Variants in ASB3 observed in about 807,000 individuals in gnomAD.
ASB3 encodes the protein ankyrin repeat and SOCS box containing 3, also known as ankyrin repeat and SOCS box protein 3.
In ASB3, 41 loss-of-function variants were observed where a neutral mutation model predicts 54.5. The ratio of observed to expected loss-of-function variants is 0.75; its 90% CI spans 0.59 to 0.98. The LOEUF (loss-of-function observed/expected upper bound fraction) is 0.98. Ranked by LOEUF, ASB3 falls within the 50% of genes least tolerant of loss-of-function variation. ASB3 has a pLI of 0.00. For synonymous variants in ASB3, 266 were observed against 221.2 expected, an observed-to-expected ratio of 1.20 and a Z score of -1.80; for missense variants, 733 against 620.0, an observed-to-expected ratio of 1.18 and a Z score of -1.94.
At chr2:53,764,985 T>C (rs1482678509) in intron 2 of ASB3, among the ~76,000 whole-genome samples, 2 of 152,202 alleles carry the variant, frequency 1.3e-5, no homozygotes, top group Non-Finnish European at 2.9e-5. Context: ...TTAAAAAGTG[T>C]TTAAAAAGAA....
At chr2:53,686,393 G>C (rs139366838) in intron 9 of ASB3, among the ~76,000 whole-genome samples, 2 of 152,122 alleles carry the variant, frequency 1.3e-5, no homozygotes, top group South Asian at 2.1e-4. Flanking sequence ...ACCCTCCTCA[G>C]AGCCACGGTT....
intron 3 of ASB3, among the ~76,000 whole-genome samples, chr2:53,744,384 C>CAAAAAAAAAAAAAAAAAAAAA (rs779225958): frequency 1.4e-5 from 2 of 139,862 alleles, no homozygotes; most frequent in African/African-American, 5.6e-5. Flanking sequence ...GACTCTGTCT[C>CAAAAAAAAAAAAAAAAAAAAA]AAAAAAATAA....
intron 3 of ASB3, among the ~76,000 whole-genome samples, chr2:53,747,642 G>A (rs1473542409): frequency 1.3e-5 from 2 of 152,128 alleles, no homozygotes; most frequent in Non-Finnish European, 1.5e-5. Context: ...ATAATTTACT[G>A]AATACCTACC....
intron 9 of ASB3, among the ~76,000 whole-genome samples, chr2:53,684,888 T>A (rs1199209385): frequency 1.3e-5 from 2 of 152,126 alleles, no homozygotes; most frequent in Non-Finnish European, 2.9e-5. Flanking sequence ...AGGAGGAGAT[T>A]ATTTAGAGAT....
chr2:53,701,801 GA>G (rs977073551), intron 7 of ASB3, among the ~76,000 whole-genome samples: 5 of 152,078 alleles, frequency 3.3e-5, no homozygotes, highest in African/African-American at 1.2e-4. Context: ...TCATTAATCT[GA>G]AAAAAGCAAA....
chr2:53,778,143 T>C (rs1573030471), intron 1 of ASB3, among the ~76,000 whole-genome samples: 1 of 138,554 alleles, frequency 7.2e-6, no homozygotes, highest in East Asian at 2.0e-4. Context: ...AGCAGGATTC[T>C]TGTCTCAAAA....
At chr2:53,733,690 C>A (rs774023031) in intron 3 of ASB3, among the ~76,000 whole-genome samples, 1 of 152,134 alleles carries the variant, frequency 6.6e-6, no homozygotes, top group African/African-American at 2.4e-5. Context: ...AATCCGCCCA[C>A]CTTGGCCTCC....
At chr2:53,710,065 G>A (rs1199427490) in intron 7 of ASB3, among the ~76,000 whole-genome samples, 3 of 152,200 alleles carry the variant, frequency 2.0e-5, no homozygotes, top group Non-Finnish European at 4.4e-5. Flanking sequence ...GCTTGCTAAT[G>A]ACTGTAGCTT....
Position 53,671,040 on chromosome 2 carries a change from A to T in ASB3, c.1370-350T>A, listed in dbSNP as rs544780860. 2.0e-5 allele frequency among the ~76,000 whole-genome samples: 3 copies of T among 152,322 alleles called. No individual in the cohort carries two copies. In the East Asian group the frequency reaches 5.8e-4, roughly 29 times the overall value. On this transcript the variant is annotated intron_variant, in intron 9 of 9. Transcript: ENST00000263634. Reference sequence around the variant, plus strand: ...CAATAGCAAATGCTACCTTCCTCTTAATCTATTTCATTACAAATGGTTTCC... The same window carrying T: ...CAATAGCAAATGCTACCTTCCTCTTTATCTATTTCATTACAAATGGTTTCC...
chr2:53,696,200 A>C (rs1053577642), intron 8 of ASB3, among the ~76,000 whole-genome samples: 11 of 152,316 alleles, frequency 7.2e-5, no homozygotes, highest in African/African-American at 2.6e-4. Context: ...AACCAAAGTT[A>C]CTCCTCAGGA....
Position 53,775,521 on chromosome 2 carries a change from C to T in ASB3, c.-13-9936G>A, listed in dbSNP as rs927815841. Among the ~76,000 whole-genome samples, 3 of 152,180 alleles carry T rather than the reference C, an allele frequency of 2.0e-5. No homozygotes were observed. The East Asian group carries it at 5.8e-4, about 29-fold the overall frequency. On this transcript the variant is annotated intron_variant, in intron 1 of 9. Transcript: ENST00000263634. ...ACGGAGTATCGCTCTGTTGCCTAGG[C>T]TGGAGTGCAGTGGTGCCAACCTCAG... is the stretch of plus-strand genomic sequence containing the variant.
chr2:53,772,198 A>G (rs1256432623), intron 1 of ASB3, among the ~76,000 whole-genome samples: 3 of 152,062 alleles, frequency 2.0e-5, no homozygotes, highest in African/African-American at 4.8e-5. Flanking sequence ...TTTTTGAGAC[A>G]GAGTCTAGCT....
chr2:53,764,487 TAAAG>T (rs552027231), intron 2 of ASB3, among the ~76,000 whole-genome samples: 31 of 152,304 alleles, frequency 2.0e-4, no homozygotes, highest in African/African-American at 7.0e-4. Flanking sequence ...AAATATTAGA[TAAAG>T]AAGATAAATT....
At chr2:53,773,196 G>A (rs1458971495) in intron 1 of ASB3, among the ~76,000 whole-genome samples, 1 of 151,976 alleles carries the variant, frequency 6.6e-6, no homozygotes, top group Non-Finnish European at 1.5e-5. Context: ...ATAAACAAAT[G>A]GCACTTTGTT....
chr2:53,718,221 T>C (rs1056165742), intron 5 of ASB3, among the ~76,000 whole-genome samples: 1 of 152,140 alleles, frequency 6.6e-6, no homozygotes, highest in Non-Finnish European at 1.5e-5. Flanking sequence ...CACCATGGCA[T>C]ACAGTCACCA....
chr2:53,785,895 A>G (rs1007700276), intron 1 of ASB3, among the ~76,000 whole-genome samples: 27 of 152,262 alleles, frequency 1.8e-4, no homozygotes, highest in African/African-American at 6.5e-4. Context: ...TTAAGCATTA[A>G]TAAGAAGTGC....
At chr2:53,757,702 T>G (rs1558563471) in intron 2 of ASB3, among the ~76,000 whole-genome samples, 1 of 152,216 alleles carries the variant, frequency 6.6e-6, no homozygotes, top group Non-Finnish European at 1.5e-5. Context: ...CCAGGGAATC[T>G]TGTCCCTGGT....
rs1411374657 is a variant in ASB3 at position 53,696,297 on chromosome 2, T to A, written c.1239-2283A>T. Among the ~76,000 whole-genome samples, 7 of 152,358 alleles carry A rather than the reference T, an allele frequency of 4.6e-5. No homozygotes were observed. In the East Asian group the frequency reaches 1.3e-3, roughly 29 times the overall value. ...AAATAGTTTCTACTTTACTAGTTCT[T>A]AATTCTTTTCTATTTCACATATCCG... is the stretch of plus-strand genomic sequence containing the variant. On this transcript the variant is annotated intron_variant, in intron 8 of 9. Coordinates refer to ENST00000263634, the MANE Select transcript of ASB3 (RefSeq NM_016115.5).
chr2:53,767,884 A>C, intron 1 of ASB3: 1 of 1,608,064 alleles, frequency 6.2e-7, no homozygotes, highest in Non-Finnish European at 8.5e-7. Flanking sequence ...GAGCCGCGAG[A>C]AGATGTGGGT....
Sources: gnomAD v4.1 joint callset for allele counts (sites outside exome capture counted in the v4.1 genomes callset) on GRCh38, gnomAD v4.1.1 for gene constraint, MANE v1.5 for transcripts, NCBI Gene and HGNC (gene_info 2026-07-23, HGNC 2026-07-21) for gene names.